Variants in CTNND2 observed in about 807,000 individuals in gnomAD.
CTNND2 encodes the protein catenin delta 2, also known as catenin delta-2.
A neutral mutation model predicts 144.4 loss-of-function variants in CTNND2; 22 were observed. That is an observed-to-expected ratio of 0.15 (90% CI 0.11 to 0.22). The LOEUF is 0.22. Ranked by LOEUF, CTNND2 falls within the 10% of genes least tolerant of loss-of-function variation. CTNND2 has a pLI of 1.00. For synonymous variants in CTNND2, 751 were observed against 695.6 expected, an observed-to-expected ratio of 1.08 and a Z score of -1.25; for missense variants, 1,353 against 1,618.8, an observed-to-expected ratio of 0.84 and a Z score of 2.82.
intron 15 of CTNND2, among the ~76,000 whole-genome samples, chr5:11,088,957 C>A (rs1391515907): frequency 6.6e-6 from 1 of 152,136 alleles, no homozygotes; most frequent in Admixed American, 6.5e-5. Flanking sequence ...GAGCTGAGCC[C>A]AGCCTATGAG....
intron 9 of CTNND2, among the ~76,000 whole-genome samples, chr5:11,248,426 A>G (rs951576050): frequency 1.9e-4 from 29 of 151,960 alleles, no homozygotes; most frequent in African/African-American, 6.8e-4. Context: ...TAGATATTAT[A>G]TATGTATAAT....
chr5:11,008,919 G>A (rs1157034143), intron 18 of CTNND2, among the ~76,000 whole-genome samples: 8 of 152,160 alleles, frequency 5.3e-5, no homozygotes, highest in African/African-American at 1.4e-4. Flanking sequence ...TGGCATTAGC[G>A]GGGCAATACA....
rs552799441 is a variant in CTNND2 at position 11,525,052 on chromosome 5, C to T, written c.287+39892G>A. Among the ~76,000 whole-genome samples the T allele has an allele frequency of 7.2e-5, 11 of 152,182 alleles. No individual in the cohort carries two copies. The South Asian group carries it at 1.5e-3, about 20-fold the overall frequency. ...AGAAAAGCAGGCTGTCTGAAGAAGC[C>T]GAAAGTCATTTTTGTGTTTATTGTA... On this transcript the variant is annotated intron_variant, in intron 3 of 21. Coordinates refer to ENST00000304623, the MANE Select transcript of CTNND2 (RefSeq NM_001332.4).
At chr5:11,886,416 TGTATGCCA>T (rs1736535587) in intron 1 of CTNND2, among the ~76,000 whole-genome samples, 1 of 152,144 alleles carries the variant, frequency 6.6e-6, no homozygotes, top group African/African-American at 2.4e-5. Flanking sequence ...TATGAATAAC[TGTATGCCA>T]AAAAAATTGG....
At chr5:11,244,353 C>G (rs895233561) in intron 9 of CTNND2, among the ~76,000 whole-genome samples, 4 of 143,020 alleles carry the variant, frequency 2.8e-5, no homozygotes, top group African/African-American at 1.1e-4. Flanking sequence ...GGCGCAATCT[C>G]GGCTCACTGC....
At chr5:11,749,051 C>A (rs1788467274) in intron 1 of CTNND2, among the ~76,000 whole-genome samples, 1 of 151,948 alleles carries the variant, frequency 6.6e-6, no homozygotes, top group South Asian at 2.1e-4. Flanking sequence ...TAAGGAAAAA[C>A]TAAAGCCTCC....
At chr5:11,123,733 C>A (rs1411181737) in intron 12 of CTNND2, among the ~76,000 whole-genome samples, 1 of 152,260 alleles carries the variant, frequency 6.6e-6, no homozygotes, top group Non-Finnish European at 1.5e-5. Context: ...TTTCACTGGT[C>A]TCCAGCTGAT....
At position 11,199,613 on chromosome 5, in the gene CTNND2, G is replaced by A. The variant is rs753857241; in HGVS notation, c.1810C>T (p.Arg604Trp). 11 of 1,614,042 alleles carry A rather than the reference G, an allele frequency of 6.8e-6. No individual in the cohort carries two copies. Among genetic ancestry groups the A allele is most frequent in the African/African-American group, 1.3e-5 (1 of 74,924 alleles). ...IQLLVDLLDH[R>W]MTEVHRSACG... ...GCACTACGGTGGACTTCGGTCATCC[G>A]ATGATCCAACAGGTCCACCAGGAGC... Residue 604 changes from arginine to tryptophan, a missense_variant, in exon 11 of 22, where the codon CGG becomes TGG. Transcript: ENST00000304623.
At chr5:11,422,059 T>C (rs10065615) in intron 3 of CTNND2, among the ~76,000 whole-genome samples, 12,076 of 152,094 alleles carry the variant, frequency 0.079, 1,049 homozygotes, top group African/African-American at 0.22. Flanking sequence ...CATTACCACA[T>C]AGAGAAGAAC....
intron 3 of CTNND2, among the ~76,000 whole-genome samples, chr5:11,526,732 A>ATCCAGCCAT: frequency 6.6e-6 from 1 of 152,284 alleles, no homozygotes; most frequent in East Asian, 1.9e-4. Flanking sequence ...TTACCACTTG[A>ATCCAGCCAT]TCCAGCCATT....
At chr5:11,681,926 G>A (rs549541294) in intron 2 of CTNND2, among the ~76,000 whole-genome samples, 56 of 152,182 alleles carry the variant, frequency 3.7e-4, no homozygotes, top group Non-Finnish European at 6.9e-4. Flanking sequence ...AAACAGACAA[G>A]AAACAGACAA....
intron 11 of CTNND2, among the ~76,000 whole-genome samples, chr5:11,169,948 A>C (rs1243572919): frequency 1.8e-4 from 27 of 152,214 alleles, no homozygotes; most frequent in Admixed American, 1.8e-3. Flanking sequence ...GACCACATTG[A>C]AAAAAACACA....
In CTNND2 at chr5:11,809,605, T is replaced by C. The variant is rs557128536; in HGVS notation, c.38-77333A>G. 2.6e-5 allele frequency among the ~76,000 whole-genome samples: 4 copies of C among 152,262 alleles called. No homozygotes were observed. In the South Asian group the frequency reaches 6.2e-4, roughly 24 times the overall value. On this transcript the variant is annotated intron_variant, in intron 1 of 21. Transcript: ENST00000304623. ...TCAGGGCGGACCACAGGTCTCCAAA[T>C]AGCAAAGGGACTTCATCATCATCGC...
chr5:11,274,982 T>C (rs1746382028), intron 9 of CTNND2, among the ~76,000 whole-genome samples: 1 of 152,092 alleles, frequency 6.6e-6, no homozygotes, highest in Non-Finnish European at 1.5e-5. Flanking sequence ...CCTAGGGTGT[T>C]TCACCAATGT....
At chr5:11,220,436 C>T (rs1561042211) in intron 10 of CTNND2, among the ~76,000 whole-genome samples, 6 of 152,310 alleles carry the variant, frequency 3.9e-5, no homozygotes, top group East Asian at 1.9e-4. Flanking sequence ...CTACTCCTCA[C>T]ATCTCCTTCA....
intron 2 of CTNND2, among the ~76,000 whole-genome samples, chr5:11,599,754 C>T (rs1327894471): frequency 1.3e-5 from 2 of 152,128 alleles, no homozygotes; most frequent in Non-Finnish European, 2.9e-5. Context: ...TTTAGACTTT[C>T]CCTTGGGGTT....
chr5:11,801,879 T>C (rs924686201), intron 1 of CTNND2, among the ~76,000 whole-genome samples: 3 of 152,232 alleles, frequency 2.0e-5, no homozygotes, highest in African/African-American at 7.2e-5. Context: ...TCCTATAATA[T>C]TTGGAATAAC....
chr5:11,391,343 C>A (rs1759616418), intron 6 of CTNND2, among the ~76,000 whole-genome samples: 1 of 151,976 alleles, frequency 6.6e-6, no homozygotes, highest in African/African-American at 2.4e-5. Flanking sequence ...TTTGGGCTTG[C>A]ACACAAAGAC....
At chr5:11,057,916 G>A (rs1395060161) in intron 16 of CTNND2, among the ~76,000 whole-genome samples, 1 of 152,098 alleles carries the variant, frequency 6.6e-6, no homozygotes, top group African/African-American at 2.4e-5. Context: ...AAAAGAGACT[G>A]GCAGGAATTT....
Sources: gnomAD v4.1 joint callset for allele counts (sites outside exome capture counted in the v4.1 genomes callset) on GRCh38, gnomAD v4.1.1 for gene constraint, MANE v1.5 for transcripts, NCBI Gene and HGNC (gene_info 2026-07-23, HGNC 2026-07-21) for gene names.